Variants in SPCS2 observed in about 807,000 individuals in gnomAD.
SPCS2 encodes SPase 25 kDa subunit.
A neutral mutation model predicts 22.3 loss-of-function variants in SPCS2; 3 were observed. The observed-to-expected ratio is 0.13, with a 90% CI of 0.06 to 0.35. SPCS2 has a LOEUF of 0.35. SPCS2 is among the 10% of genes least tolerant of loss of function. SPCS2 has a pLI of 1.00. For synonymous variants in SPCS2, 67 were observed against 97.2 expected (o/e 0.69, Z 1.83); for missense variants, 169 against 280.9 (o/e 0.60, Z 2.85).
At chr11:74,955,057 G>C (rs1335845414) in intron 1 of SPCS2, among the ~76,000 whole-genome samples, 1 of 151,594 alleles carries the variant, frequency 6.6e-6, no homozygotes, top group African/African-American at 2.4e-5. Flanking sequence ...ATAATAAAGG[G>C]GGAAAAAAAA....
At chr11:74,971,852 C>A (rs931535803) in intron 4 of SPCS2, among the ~76,000 whole-genome samples, 1 of 152,178 alleles carries the variant, frequency 6.6e-6, no homozygotes, top group Non-Finnish European at 1.5e-5. Context: ...TTCTTTTATG[C>A]CCCTCTCAAA....
At position 74,949,364 on chromosome 11, in the gene SPCS2, G is replaced by C; in HGVS notation, c.79G>C (p.Gly27Arg). ...CSGAGGASNC[G>R]TGSGRSGLLD... ...TGGGGCTGGTGGTGCTTCCAACTGC[G>C]GGACAGGAAGTGGCCGTAGCGGCTT... is the stretch of plus-strand genomic sequence containing the variant. The change falls in exon 1 of 5, where the codon GGG (glycine) becomes CGG (arginine). Residue 27 changes from glycine to arginine, a missense_variant. Gly to Arg is a moderately radical substitution (Grantham distance 125). Transcript: ENST00000263672. 6.4e-7 allele frequency: 1 copy of C among 1,551,626 alleles called. No homozygotes were observed. Among genetic ancestry groups the C allele is most frequent in the Non-Finnish European group, 8.7e-7 (1 of 1,146,950 alleles).
At chr11:74,952,570 G>A (rs1948453044) in intron 1 of SPCS2, among the ~76,000 whole-genome samples, 1 of 152,064 alleles carries the variant, frequency 6.6e-6, no homozygotes, top group Non-Finnish European at 1.5e-5. Context: ...GCCCACCTCA[G>A]CCTCCCAAAG....
rs982767738 is a variant in SPCS2 at position 74,977,103 on chromosome 11, G to A, written c.*60G>A. ...TTGCTGAATTAGTGGCTTGGGGGGT[G>A]GGGGAGATAAAAAGAACTTAAAATG... is the stretch of plus-strand genomic sequence containing the variant. On this transcript the variant is annotated 3_prime_UTR_variant, in exon 5 of 5. Coordinates refer to ENST00000263672, the MANE Select transcript of SPCS2 (RefSeq NM_014752.3). 8.0e-6 allele frequency: 9 copies of A among 1,131,212 alleles called. No individual in the cohort carries two copies. Among genetic ancestry groups the A allele is most frequent in the East Asian group, 2.7e-5 (1 of 37,320 alleles). The allele number at this position is 1,131,212 out of a possible 1,614,324, so 70.1% of individuals were successfully genotyped here.
At chr11:74,971,563 G>C (rs780520572) in intron 4 of SPCS2, among the ~76,000 whole-genome samples, 20 of 152,154 alleles carry the variant, frequency 1.3e-4, no homozygotes, top group Admixed American at 9.2e-4. Flanking sequence ...TCTCTTCCCG[G>C]CTTTCTGCTG....
intron 2 of SPCS2, 116 bp from the exon 3 acceptor site, chr11:74,965,647 A>G (rs1352577019): frequency 9.4e-6 from 8 of 851,502 alleles, no homozygotes; most frequent in Non-Finnish European, 1.4e-5. Context: ...TAAAATCCCA[A>G]CTGGAGGGAA....
rs966727816 is a variant in SPCS2 at position 74,978,872 on chromosome 11, CA to C, written c.*1830del. On this transcript the variant is annotated 3_prime_UTR_variant, in exon 5 of 5. Transcript: ENST00000263672. ...TTCCCCCACTGTGCCTTTTTCTTTA[CA>C]TGTGCATGCAAACATGTGTCTCCAC... 1.3e-3 allele frequency: 205 copies of C among 152,246 alleles called. 1 individual carries two copies. The highest frequency in any genetic ancestry group is 4.8e-3 in the African/African-American group (198 of 41,544). The allele number at this position is 152,246 out of a possible 1,614,324, so 9.4% of individuals were successfully genotyped here. A position where few individuals can be genotyped will look rare whatever the true frequency, so the allele number is the denominator to read the frequency against.
Position 74,978,147 on chromosome 11 carries a change from G to A in SPCS2, c.*1104G>A, listed in dbSNP as rs1396473364. 6.6e-6 allele frequency: 1 copy of A among 152,234 alleles called. No homozygotes were observed. The highest frequency in any genetic ancestry group is 2.4e-5 in the African/African-American group (1 of 41,462). 9.4% of individuals were successfully genotyped at this position (152,234 alleles called of 1,614,324 possible). A position where few individuals can be genotyped will look rare whatever the true frequency, so the allele number is the denominator to read the frequency against. ...CGCTTTTCCAGTATTTTCCCAGTAT[G>A]GTCAGAGAAGACCTGGGTGCTTGCC... On this transcript the variant is annotated 3_prime_UTR_variant, in exon 5 of 5. Coordinates refer to ENST00000263672, the MANE Select transcript of SPCS2 (RefSeq NM_014752.3).
At chr11:74,966,066 A>G (rs1591739389) in intron 3 of SPCS2, 143 bp downstream of exon 3, 6 of 713,266 alleles carry the variant, frequency 8.4e-6, no homozygotes, top group Admixed American at 2.8e-5. Context: ...TGATGTTTAT[A>G]TAGTAAATAT....
chr11:74,949,610 T>C (rs1170250505), intron 1 of SPCS2: 2 of 619,872 alleles, frequency 3.2e-6, no homozygotes, highest in Non-Finnish European at 6.0e-6. Flanking sequence ...CTTCTTCTTT[T>C]CTCGCAAGTG....
chr11:74,967,815 T>C (rs1327548585), intron 3 of SPCS2, among the ~76,000 whole-genome samples: 1 of 152,046 alleles, frequency 6.6e-6, no homozygotes, highest in African/African-American at 2.4e-5. Flanking sequence ...ACACCTATAA[T>C]CCCAGCTACT....
chr11:74,967,520 C>T (rs761913231), intron 3 of SPCS2, among the ~76,000 whole-genome samples: 2 of 152,106 alleles, frequency 1.3e-5, no homozygotes, highest in Non-Finnish European at 2.9e-5. Flanking sequence ...GAGGCCAAGG[C>T]GGGCGAATCA....
At chr11:74,970,147 G>T (rs1448022832) in intron 4 of SPCS2, among the ~76,000 whole-genome samples, 1 of 152,166 alleles carries the variant, frequency 6.6e-6, no homozygotes, top group Non-Finnish European at 1.5e-5. Context: ...GTATAACTTT[G>T]TGCAGCTGAC....
intron 1 of SPCS2, among the ~76,000 whole-genome samples, chr11:74,957,377 A>C (rs190018701): frequency 1.3e-5 from 2 of 152,346 alleles, no homozygotes; most frequent in Admixed American, 1.3e-4. Context: ...ATTTCAGATG[A>C]AACGGCTGTA....
At chr11:74,951,725 G>C (rs570447645) in intron 1 of SPCS2, among the ~76,000 whole-genome samples, 2 of 147,934 alleles carry the variant, frequency 1.4e-5, no homozygotes, top group African/African-American at 2.5e-5. Flanking sequence ...CAGGAGAATC[G>C]CTTGAACCCG....
At chr11:74,951,758 C>G (rs1161805461) in intron 1 of SPCS2, among the ~76,000 whole-genome samples, 1 of 140,620 alleles carries the variant, frequency 7.1e-6, no homozygotes, top group African/African-American at 2.6e-5. Flanking sequence ...TGCAGTGAGC[C>G]GAGATCACGC....
chr11:74,963,708 T>C (rs1238559909), intron 1 of SPCS2: 1 of 342,218 alleles, frequency 2.9e-6, no homozygotes, highest in Non-Finnish European at 5.8e-6. Flanking sequence ...CTGCCATCTC[T>C]TTATTTCTTA....
intron 4 of SPCS2, among the ~76,000 whole-genome samples, chr11:74,974,785 T>G (rs1948605959): frequency 6.6e-6 from 1 of 152,112 alleles, no homozygotes; most frequent in Non-Finnish European, 1.5e-5. Context: ...TGGCTAATTT[T>G]TTGTATTTTT....
chr11:74,961,728 A>G (rs935688783), intron 1 of SPCS2, among the ~76,000 whole-genome samples: 1 of 152,014 alleles, frequency 6.6e-6, no homozygotes, highest in Admixed American at 6.6e-5. Flanking sequence ...GGGTTTCACA[A>G]TGTTGGCCAG....
Sources: allele counts gnomAD v4.1 joint callset (sites outside exome capture counted in the v4.1 genomes callset), GRCh38; gene constraint gnomAD v4.1.1; transcripts MANE v1.5; gene names NCBI Gene and HGNC (gene_info 2026-07-23, HGNC 2026-07-21).